The following GSG1L variants were observed in gnomAD, a reference collection of about 807,000 sequenced individuals.
The protein encoded by GSG1L is GSG1 like.
A neutral mutation model predicts 42.1 loss-of-function variants in GSG1L; 24 were observed. The ratio of observed to expected loss-of-function variants is 0.57; its 90% CI spans 0.41 to 0.80. GSG1L has a LOEUF of 0.80. Ranked by LOEUF, GSG1L falls within the 30% of genes least tolerant of loss-of-function variation. The pLI, the probability that GSG1L is intolerant of heterozygous loss-of-function variation, is 0.00. For synonymous variants in GSG1L, 215 were observed against 203.5 expected (o/e 1.06, Z -0.48); for missense variants, 445 against 472.2 (o/e 0.94, Z 0.53).
intron 2 of GSG1L, among the ~76,000 whole-genome samples, chr16:27,924,681 G>A (rs761930598): frequency 2.0e-5 from 3 of 152,098 alleles, no homozygotes; most frequent in African/African-American, 4.8e-5. Flanking sequence ...TAAGCAATAA[G>A]GGATTTTCTT....
At chr16:27,886,652 A>G (rs764547203) in intron 2 of GSG1L, among the ~76,000 whole-genome samples, 1 of 152,252 alleles carries the variant, frequency 6.6e-6, no homozygotes, top group Non-Finnish European at 1.5e-5. Context: ...GACGAGGTCA[A>G]GGCTAGAGAT....
chr16:27,998,370 A>G (rs1467156897), intron 1 of GSG1L: 1 of 152,222 alleles, frequency 6.6e-6, no homozygotes, highest in African/African-American at 2.4e-5. Flanking sequence ...GTATCATTCC[A>G]AGTTTAGTGT....
intron 1 of GSG1L, among the ~76,000 whole-genome samples, chr16:28,038,669 C>T (rs1304350791): frequency 1.3e-5 from 2 of 152,216 alleles, no homozygotes; most frequent in African/African-American, 4.8e-5. Context: ...ATCCGTCCTC[C>T]TGGCGATACC....
At chr16:27,832,146 CTT>C (rs1349824480) in intron 4 of GSG1L, among the ~76,000 whole-genome samples, 2 of 152,112 alleles carry the variant, frequency 1.3e-5, no homozygotes, top group East Asian at 3.8e-4. Context: ...TTTATTTACT[CTT>C]GTTTTTCAAT....
intron 2 of GSG1L, among the ~76,000 whole-genome samples, chr16:27,941,357 T>C (rs958029302): frequency 1.3e-5 from 2 of 151,456 alleles, no homozygotes; most frequent in Non-Finnish European, 2.9e-5. Context: ...GACTAAGCTA[T>C]GAGGTTGCAA....
At chr16:28,004,422 G>C (rs1358033211) in intron 1 of GSG1L, among the ~76,000 whole-genome samples, 2 of 151,340 alleles carry the variant, frequency 1.3e-5, no homozygotes, top group Non-Finnish European at 2.9e-5. Context: ...AGAGAAGGAC[G>C]GAAATCCAGA....
At chr16:27,978,620 G>A (rs1444404334) in intron 1 of GSG1L, among the ~76,000 whole-genome samples, 1 of 150,832 alleles carries the variant, frequency 6.6e-6, no homozygotes, top group Non-Finnish European at 1.5e-5. Context: ...GAACCTGGGA[G>A]GCGGAGGTTG....
intron 1 of GSG1L, among the ~76,000 whole-genome samples, chr16:27,981,919 C>T (rs944343902): frequency 6.6e-6 from 1 of 152,220 alleles, no homozygotes. Context: ...CTGCCACATA[C>T]AAGCTCTGTG....
At chr16:27,932,651 T>C (rs1007154080) in intron 2 of GSG1L, among the ~76,000 whole-genome samples, 2 of 152,138 alleles carry the variant, frequency 1.3e-5, no homozygotes, top group African/African-American at 2.4e-5. Flanking sequence ...ACCTTCAGCA[T>C]TGGGGATTAT....
chr16:28,002,456 A>G (rs190645286), intron 1 of GSG1L, among the ~76,000 whole-genome samples: 2 of 152,266 alleles, frequency 1.3e-5, no homozygotes, highest in Admixed American at 1.3e-4. Context: ...TCCCATCTCT[A>G]CAAAAATGTT....
At chr16:27,964,135 T>G (rs558598384) in intron 1 of GSG1L, among the ~76,000 whole-genome samples, 3 of 152,058 alleles carry the variant, frequency 2.0e-5, no homozygotes, top group Non-Finnish European at 4.4e-5. Flanking sequence ...ATGGAGACCA[T>G]CCTGGCAAAC....
At chr16:27,807,642 C>A in intron 5 of GSG1L, 88 bp from the exon 6 acceptor site, 1 of 1,058,812 alleles carries the variant, frequency 9.4e-7, no homozygotes, top group South Asian at 1.4e-5. Context: ...AAAGTGCAAT[C>A]TTCCCCCCTC....
chr16:27,881,594 T>C (rs1596581601), intron 3 of GSG1L, among the ~76,000 whole-genome samples: 3 of 152,240 alleles, frequency 2.0e-5, no homozygotes, highest in South Asian at 4.2e-4. Flanking sequence ...TGTGGTGAGA[T>C]TTCATGAAAA....
At chr16:27,911,295 C>CCT (rs1555507776) in intron 2 of GSG1L, among the ~76,000 whole-genome samples, 1 of 129,498 alleles carries the variant, frequency 7.7e-6, no homozygotes, top group Non-Finnish European at 1.6e-5. Context: ...CTCTCTCTCT[C>CCT]CTCTCTCTCT....
chr16:27,898,020 T>C (rs2084211683), intron 2 of GSG1L, among the ~76,000 whole-genome samples: 2 of 152,284 alleles, frequency 1.3e-5, no homozygotes, highest in South Asian at 2.1e-4. Context: ...TAGTTTATCA[T>C]TGGAAAGGAT....
intron 1 of GSG1L, among the ~76,000 whole-genome samples, chr16:28,056,255 T>G (rs896892923): frequency 1.1e-4 from 17 of 151,700 alleles, no homozygotes; most frequent in Non-Finnish European, 4.4e-5. Flanking sequence ...ATTAAGAAAA[T>G]GTGGCACATA....
chr16:27,862,814 A>G lies in GSG1L; in HGVS notation c.551-17753T>C, dbSNP rs372419381. On this transcript the variant is annotated intron_variant, in intron 3 of 6. Coordinates refer to ENST00000447459, the MANE Select transcript of GSG1L (RefSeq NM_001109763.2). Reference sequence around the variant, plus strand: ...CCCCATATACACAGACACACGCATGACACAGAATAATACAGAGCTTTGAAA... The same window carrying G: ...CCCCATATACACAGACACACGCATGGCACAGAATAATACAGAGCTTTGAAA... 3.9e-5 allele frequency among the ~76,000 whole-genome samples: 6 copies of G among 152,350 alleles called. 1 individual carries two copies. In the East Asian group the frequency reaches 5.8e-4, roughly 15 times the overall value.
intron 6 of GSG1L, among the ~76,000 whole-genome samples, chr16:27,792,910 GTAAGGATTAGTAGATGCTTTAGA>G (rs1454365085): frequency 6.6e-6 from 1 of 152,250 alleles, no homozygotes; most frequent in Non-Finnish European, 1.5e-5. Flanking sequence ...CCGAGGCTCT[GTAAGGATTAGTAGATGCTTTAGA>G]AGTCACAGCT....
intron 2 of GSG1L, among the ~76,000 whole-genome samples, chr16:27,900,343 C>T (rs1002126303): frequency 2.6e-5 from 4 of 152,224 alleles, no homozygotes; most frequent in Admixed American, 2.6e-4. Flanking sequence ...ATCTCCACGT[C>T]ATGGAGGTGA....
Sources: gnomAD v4.1 joint callset for allele counts (sites outside exome capture counted in the v4.1 genomes callset) on GRCh38, gnomAD v4.1.1 for gene constraint, MANE v1.5 for transcripts, NCBI Gene and HGNC (gene_info 2026-07-23, HGNC 2026-07-21) for gene names.